NLRC5: variants seen among roughly 807,000 people sequenced by gnomAD.
NLRC5 encodes NLR family CARD domain containing 5.
Under a neutral mutation model 206.9 loss-of-function variants are expected in NLRC5, and 114 were observed. The ratio of observed to expected loss-of-function variants is 0.55; its 90% CI spans 0.47 to 0.64. The LOEUF is 0.64. Among genes scored for constraint, NLRC5 ranks in the 30% least tolerant of loss-of-function variants. The pLI is 0.00. For missense variants in NLRC5, 2,008 were observed against 2,305.5 expected, an observed-to-expected ratio of 0.87 and a Z score of 2.64; for synonymous variants, 952 against 962.8, an observed-to-expected ratio of 0.99 and a Z score of 0.21.
At position 57,076,921 on chromosome 16, in the gene NLRC5, C is replaced by A; in HGVS notation, c.4835+19C>A. ...AGCTGGAGTGAGTTGCCCATTCTGC[C>A]CCCAGACCCAGGACAATTTTGGCCG... On this transcript the variant is annotated intron_variant, in intron 40 of 48. Coordinates refer to ENST00000688547, the MANE Select transcript of NLRC5 (RefSeq NM_001384950.1). 6.2e-7 allele frequency: 1 copy of A among 1,611,014 alleles called. No homozygotes were observed. Among genetic ancestry groups the A allele is most frequent in the Non-Finnish European group, 8.5e-7 (1 of 1,177,726 alleles).
intron 13 of NLRC5, among the ~76,000 whole-genome samples, chr16:57,035,822 T>C (rs1201642593): frequency 6.6e-6 from 1 of 152,216 alleles, no homozygotes; most frequent in African/African-American, 2.4e-5. Flanking sequence ...AACTTTACTC[T>C]GCACTTAACC....
intron 27 of NLRC5, among the ~76,000 whole-genome samples, chr16:57,057,108 T>C (rs907438612): frequency 7.2e-5 from 11 of 152,204 alleles, no homozygotes; most frequent in Non-Finnish European, 1.2e-4. Flanking sequence ...GACACACTGG[T>C]TATATTATTT....
chr16:57,022,176 G>A, intron 3 of NLRC5, 80 bp from the exon 4 acceptor site: 1 of 1,232,388 alleles, frequency 8.1e-7, no homozygotes, highest in South Asian at 1.3e-5. Flanking sequence ...GATGAGCCCT[G>A]AGCCAGGCGC....
chr16:57,026,788 G>C lies in NLRC5; in HGVS notation c.1845G>C (p.Leu615=), dbSNP rs141293547. 404 of 1,614,138 alleles carry C rather than the reference G, an allele frequency of 2.5e-4. 2 individuals are homozygous for C. The East Asian group carries it at 7.9e-3, about 31-fold the overall frequency. ...TCACAGGGCCAAAGGTTGTAGAGCT[G>C]TGTCACTGTGTGGATGAGACACAGG... ...RKLTGPKVVE[L]CHCVDETQEP... The change falls in exon 6 of 49, where the codon CTG becomes CTC. Residue 615 remains leucine (L), a synonymous_variant. Transcript: ENST00000688547.
chr16:57,017,442 G>T (rs1424122357), intron 2 of NLRC5, among the ~76,000 whole-genome samples: 1 of 152,186 alleles, frequency 6.6e-6, no homozygotes, highest in African/African-American at 2.4e-5. Context: ...TAGGAAAAAG[G>T]CTTGCTCAAG....
Position 57,082,691 on chromosome 16 carries a change from AC to A in NLRC5, c.*164del. The A allele has an allele frequency of 1.7e-6, 1 of 573,698 alleles. No homozygotes were observed. The highest frequency in any genetic ancestry group is 3.1e-6 in the Non-Finnish European group (1 of 325,346). 35.5% of individuals were successfully genotyped at this position (573,698 alleles called of 1,614,324 possible). A position where few individuals can be genotyped will look rare whatever the true frequency, so the allele number is the denominator to read the frequency against. ...TGTCCTGCTGCAGTCCTCAGGGAGA[AC>A]TTTTTTGGGAACCAGGAGCTGGGTC... On this transcript the variant is annotated 3_prime_UTR_variant, in exon 49 of 49. Coordinates refer to ENST00000688547, the MANE Select transcript of NLRC5 (RefSeq NM_001384950.1).
intron 34 of NLRC5, 64 bp from the exon 35 acceptor site, chr16:57,067,323 A>C: frequency 7.7e-7 from 1 of 1,298,260 alleles, no homozygotes; most frequent in Non-Finnish European, 1.1e-6. Context: ...CCTTGCAGGC[A>C]GATACTGAAT....
intron 1 of NLRC5, chr16:57,013,731 C>A: frequency 1.4e-6 from 1 of 728,666 alleles, no homozygotes; most frequent in South Asian, 1.5e-5. Context: ...TGATAAAAGT[C>A]AACAATACGT....
At position 57,031,456 on chromosome 16, in the gene NLRC5, C is replaced by T; in HGVS notation, c.2470C>T (p.Leu824=). The change falls in exon 11 of 49, where the codon CTA becomes TTA. Residue 824 remains leucine (L), a synonymous_variant. Coordinates refer to ENST00000688547, the MANE Select transcript of NLRC5 (RefSeq NM_001384950.1). Reference sequence around the variant, plus strand: ...CCCGCCCACAGAGACAACTGCAGAGCTACAAAGGTAAGAAGCCAAGAGGCG... The same window carrying T: ...CCCGCCCACAGAGACAACTGCAGAGTTACAAAGGTAAGAAGCCAAGAGGCG... ...LSPPTETTAE[L]QRAPDLQESD... The T allele has an allele frequency of 6.2e-7, 1 of 1,613,652 alleles. No individual in the cohort carries two copies. Among genetic ancestry groups the T allele is most frequent in the African/African-American group, 1.3e-5 (1 of 74,760 alleles).
At chr16:57,067,932 T>G in intron 36 of NLRC5, 104 bp downstream of exon 36, 1 of 912,038 alleles carries the variant, frequency 1.1e-6, no homozygotes, top group South Asian at 1.4e-5. Context: ...ACTCTGTGTC[T>G]TACTCTGTGG....
chr16:57,031,058 C>G (rs2061821984), intron 10 of NLRC5, among the ~76,000 whole-genome samples: 1 of 151,914 alleles, frequency 6.6e-6, no homozygotes, highest in African/African-American at 2.4e-5. Context: ...TGTGAACACA[C>G]CACTGCACTC....
chr16:57,055,973 G>C (rs1206235244), intron 27 of NLRC5, among the ~76,000 whole-genome samples: 3 of 152,218 alleles, frequency 2.0e-5, no homozygotes, highest in African/African-American at 7.2e-5. Flanking sequence ...GCCCCTGCAT[G>C]GGTGGAATAA....
chr16:57,056,989 A>T, intron 27 of NLRC5, among the ~76,000 whole-genome samples: 1 of 152,280 alleles, frequency 6.6e-6, no homozygotes, highest in South Asian at 2.1e-4. Flanking sequence ...CTATTTTATT[A>T]AGTGGCTTCA....
chr16:57,065,266 C>A lies in NLRC5; in HGVS notation c.4209C>A (p.Cys1403Ter), dbSNP rs375606549. Residue 1403 changes from cysteine (C) to a stop codon, truncating the protein, a stop_gained, in exon 33 of 49, where the codon TGC (cysteine) becomes TGA (stop). Coordinates refer to ENST00000688547, the MANE Select transcript of NLRC5 (RefSeq NM_001384950.1). LOFTEE classifies it high-confidence loss of function. Reference sequence around the variant, plus strand: ...GGGTTCTCTCCCTGTTAGAAGTCTGCGCCCAGGCCTCAGGCAGTGTCACTG... The same window carrying A: ...GGGTTCTCTCCCTGTTAGAAGTCTGAGCCCAGGCCTCAGGCAGTGTCACTG... ...RARVLSLLEV[C>*]AQASGSVTEI... 6.3e-7 allele frequency: 1 copy of A among 1,582,412 alleles called. No individual in the cohort carries two copies. The highest frequency in any genetic ancestry group is 8.6e-7 in the Non-Finnish European group (1 of 1,161,840).
At chr16:57,025,282 C>T in intron 5 of NLRC5, 86 bp from the exon 6 acceptor site, 1 of 1,488,566 alleles carries the variant, frequency 6.7e-7, no homozygotes, top group Non-Finnish European at 8.9e-7. Flanking sequence ...GGGCTACAGG[C>T]TCCCAACAGC....
chr16:57,059,082 G>A (rs376516808), intron 29 of NLRC5, 21 bp downstream of exon 29: 165 of 1,613,588 alleles, frequency 1.0e-4, no homozygotes, highest in Non-Finnish European at 1.2e-4. Flanking sequence ...GTTGGTCCCC[G>A]AAAAGCCCCT....
At position 57,078,466 on chromosome 16, in the gene NLRC5, G is replaced by GTTTTTTTTTTTTTTTTT. The variant is rs71383218; in HGVS notation, c.5081+454_5081+470dup. Among the ~76,000 whole-genome samples, 69 of 92,202 alleles carry GTTTTTTTTTTTTTTTTT rather than the reference G, an allele frequency of 7.5e-4. 5 individuals carry two copies. Among genetic ancestry groups the GTTTTTTTTTTTTTTTTT allele is most frequent in the African/African-American group, 2.3e-3 (47 of 20,060 alleles). The allele number at this position is 92,202 out of a possible 152,430, so 60.5% of individuals were successfully genotyped here. A position where few individuals can be genotyped will look rare whatever the true frequency, so the allele number is the denominator to read the frequency against. On this transcript the variant is annotated intron_variant, in intron 43 of 48. Transcript: ENST00000688547. Reference sequence around the variant, plus strand: ...CAGAGTCCCAGAGTGCTGGGACCTTGTTTTTTTTTTTTTTTTTTTTTTTTA... The same window carrying GTTTTTTTTTTTTTTTTT: ...CAGAGTCCCAGAGTGCTGGGACCTTGTTTTTTTTTTTTTTTTTTTTTTTTTTTTTTTTTTTTTTTTTA...
intron 38 of NLRC5, among the ~76,000 whole-genome samples, chr16:57,072,820 T>C (rs1450782398): frequency 6.6e-6 from 1 of 152,244 alleles, no homozygotes; most frequent in Non-Finnish European, 1.5e-5. Flanking sequence ...CTCCAGATTT[T>C]TTTTTCTACA....
At chr16:56,994,755 G>A (rs886355484) in intron 1 of NLRC5, among the ~76,000 whole-genome samples, 2 of 152,166 alleles carry the variant, frequency 1.3e-5, no homozygotes, top group African/African-American at 4.8e-5. Flanking sequence ...GTGGGGAGAA[G>A]AAGAAAGCAG....
Sources: allele counts gnomAD v4.1 joint callset (sites outside exome capture counted in the v4.1 genomes callset), GRCh38; gene constraint gnomAD v4.1.1; transcripts MANE v1.5; gene names NCBI Gene and HGNC (gene_info 2026-07-23, HGNC 2026-07-21).